Variants in CTNND2 observed in about 807,000 individuals in gnomAD.
CTNND2 encodes the protein catenin delta-2.
A neutral mutation model predicts 144.4 loss-of-function variants in CTNND2; 22 were observed. That is an observed-to-expected ratio of 0.15 (90% confidence interval 0.11 to 0.22). The LOEUF is 0.22. CTNND2 is among the 10% of genes least tolerant of loss of function. CTNND2 has a pLI of 1.00. For missense variants in CTNND2, 1,353 were observed against 1,618.8 expected (o/e 0.84, Z 2.82); for synonymous variants, 751 against 695.6 (o/e 1.08, Z -1.25).
At position 11,397,201 on chromosome 5, in the gene CTNND2, G is replaced by A. The variant is rs1166866077; in HGVS notation, c.442C>T (p.Pro148Ser). 19 of 1,613,444 alleles carry A rather than the reference G, an allele frequency of 1.2e-5. No homozygotes were observed. Among genetic ancestry groups the A allele is most frequent in the Middle Eastern group, 1.6e-4 (1 of 6,076 alleles). Reference sequence around the variant, plus strand: ...AGTGCACTCTGGGAGAGCAGGCTGGGCCCTGCATTGAAAGTCATTTAGAGC... The same window carrying A: ...AGTGCACTCTGGGAGAGCAGGCTGGACCCTGCATTGAAAGTCATTTAGAGC... Reference protein sequence around the residue: ...DPQDYSTGERPSLLSQSALQL... With the variant: ...DPQDYSTGERSSLLSQSALQL... Residue 148 changes from proline (P) to serine (S), a missense_variant and splice_region_variant, in exon 6 of 22, where the codon CCC (proline) becomes TCC (serine). This residue lies in a region of CTNND2 where 708 missense variants were observed against 706.4 expected (regional missense o/e 1.00). Transcript: ENST00000304623.
intron 12 of CTNND2, among the ~76,000 whole-genome samples, chr5:11,139,754 T>C (rs1756528223): frequency 6.6e-6 from 1 of 152,174 alleles, no homozygotes; most frequent in South Asian, 2.1e-4. Flanking sequence ...TAACACAAAC[T>C]TAGGGGCATA....
intron 18 of CTNND2, among the ~76,000 whole-genome samples, chr5:10,994,692 G>A (rs1445036611): frequency 2.0e-5 from 3 of 152,114 alleles, no homozygotes; most frequent in African/African-American, 7.2e-5. Context: ...CTTCGCTGGT[G>A]TGAGAACAGG....
At chr5:11,815,557 G>A (rs79861400) in intron 1 of CTNND2, among the ~76,000 whole-genome samples, 1 of 151,860 alleles carries the variant, frequency 6.6e-6, no homozygotes, top group Non-Finnish European at 1.5e-5. Flanking sequence ...AATCCCAAGG[G>A]GTTTTTTTTC....
At chr5:11,772,746 G>A (rs1790021526) in intron 1 of CTNND2, among the ~76,000 whole-genome samples, 1 of 152,190 alleles carries the variant, frequency 6.6e-6, no homozygotes, top group African/African-American at 2.4e-5. Context: ...CAGTTCTTCT[G>A]TTAAAGCCAC....
At chr5:11,692,847 C>T (rs191017041) in intron 2 of CTNND2, among the ~76,000 whole-genome samples, 4 of 152,188 alleles carry the variant, frequency 2.6e-5, no homozygotes, top group African/African-American at 7.2e-5. Context: ...AGTGATCTGC[C>T]GGCCTCGGCC....
intron 2 of CTNND2, among the ~76,000 whole-genome samples, chr5:11,586,896 C>A (rs1427158105): frequency 6.6e-6 from 1 of 151,682 alleles, no homozygotes; most frequent in African/African-American, 2.4e-5. Flanking sequence ...AAAGGGCCTA[C>A]TTAGTATGTT....
At chr5:11,002,420 T>A (rs1339685853) in intron 18 of CTNND2, among the ~76,000 whole-genome samples, 62 of 152,148 alleles carry the variant, frequency 4.1e-4, no homozygotes, top group Non-Finnish European at 2.4e-4. Flanking sequence ...TTCTGCTGAA[T>A]CACAGAAAGG....
chr5:11,519,008 AACAC>A (rs142163506), intron 3 of CTNND2, among the ~76,000 whole-genome samples: 3 of 147,572 alleles, frequency 2.0e-5, no homozygotes, highest in Admixed American at 2.0e-4. Context: ...TCCCTATCTC[AACAC>A]ACACACACAC....
intron 1 of CTNND2, among the ~76,000 whole-genome samples, chr5:11,750,676 T>C (rs186829791): frequency 2.6e-5 from 4 of 151,956 alleles, no homozygotes; most frequent in East Asian, 1.9e-4. Flanking sequence ...ATAGGTAACA[T>C]TGGTATAGCT....
intron 3 of CTNND2, among the ~76,000 whole-genome samples, chr5:11,522,010 A>G (rs1772770523): frequency 1.3e-5 from 2 of 152,194 alleles, no homozygotes; most frequent in Admixed American, 6.6e-5. Flanking sequence ...CACAGAGCAA[A>G]CTTAAAGCAT....
intron 1 of CTNND2, among the ~76,000 whole-genome samples, chr5:11,842,876 T>C (rs369271777): frequency 1.3e-5 from 2 of 152,356 alleles, no homozygotes; most frequent in South Asian, 2.1e-4. Flanking sequence ...AAATTTAAAC[T>C]TGCTTATGTG....
chr5:11,534,070 CT>C (rs1773994780), intron 3 of CTNND2, among the ~76,000 whole-genome samples: 2 of 152,198 alleles, frequency 1.3e-5, no homozygotes, highest in South Asian at 4.1e-4. Flanking sequence ...AACATCCATC[CT>C]TTTATTCTTA....
chr5:11,667,322 G>A (rs1050052156), intron 2 of CTNND2, among the ~76,000 whole-genome samples: 83 of 152,134 alleles, frequency 5.5e-4, no homozygotes, highest in Non-Finnish European at 6.0e-4. Context: ...TCTAGTCCTA[G>A]ATCCTTGAGG....
chr5:11,160,516 A>T (rs143192724), intron 11 of CTNND2, among the ~76,000 whole-genome samples: 129 of 152,360 alleles, frequency 8.5e-4, no homozygotes, highest in African/African-American at 2.7e-3. Flanking sequence ...GTTCTAGAAA[A>T]GGTCATAAAC....
intron 11 of CTNND2, among the ~76,000 whole-genome samples, chr5:11,161,843 T>C (rs537772145): frequency 5.8e-4 from 88 of 152,174 alleles, no homozygotes; most frequent in Middle Eastern, 3.4e-3. Context: ...TGCTGTATGG[T>C]ATATATCCTT....
At chr5:11,528,425 A>G (rs1434035259) in intron 3 of CTNND2, among the ~76,000 whole-genome samples, 4 of 152,186 alleles carry the variant, frequency 2.6e-5, no homozygotes, top group Non-Finnish European at 5.9e-5. Context: ...TAAAAAAAAA[A>G]TGAAATTTCT....
chr5:11,860,324 G>C lies in CTNND2; in HGVS notation c.37+43493C>G, dbSNP rs1446983732. 2.6e-5 allele frequency among the ~76,000 whole-genome samples: 4 copies of C among 152,162 alleles called. No homozygotes were observed. In the East Asian group the frequency reaches 7.7e-4, roughly 29 times the overall value. ...CATTTGCTGGACAACTCCGTTCTTAGTAAATTGTAGAGCTCTGTTGTAAAT... is the reference window on the plus strand; with the variant it reads ...CATTTGCTGGACAACTCCGTTCTTACTAAATTGTAGAGCTCTGTTGTAAAT... On this transcript the variant is annotated intron_variant, in intron 1 of 21. Transcript: ENST00000304623.
At chr5:11,358,905 A>T (rs1451604845) in intron 8 of CTNND2, among the ~76,000 whole-genome samples, 1 of 152,234 alleles carries the variant, frequency 6.6e-6, no homozygotes. Context: ...CATACATCAC[A>T]GAAAGCTTGT....
intron 8 of CTNND2, among the ~76,000 whole-genome samples, chr5:11,360,252 G>C (rs1385286081): frequency 3.3e-5 from 5 of 152,174 alleles, no homozygotes; most frequent in South Asian, 4.1e-4. Context: ...AAGGGGAAAA[G>C]CTAATTGAGA....
Sources: gnomAD v4.1 joint callset for allele counts (sites outside exome capture counted in the v4.1 genomes callset) on GRCh38, gnomAD v4.1.1 for gene constraint, gnomAD v4.1.1 regional missense constraint, MANE v1.5 for transcripts, NCBI Gene and HGNC (gene_info 2026-07-23, HGNC 2026-07-21) for gene names.